The following EFR3A variants were observed in gnomAD, a reference collection of about 807,000 sequenced individuals.
EFR3A encodes EFR3 homolog A.
Under a neutral mutation model 104.4 loss-of-function variants are expected in EFR3A, and 76 were observed. The ratio of observed to expected loss-of-function variants is 0.73; its 90% CI spans 0.60 to 0.88. EFR3A has a LOEUF of 0.88. EFR3A is among the 40% of genes least tolerant of loss of function. The pLI is 0.00. For synonymous variants in EFR3A, 330 were observed against 330.0 expected (o/e 1.00, Z 0.00); for missense variants, 985 against 1,012.5 (o/e 0.97, Z 0.37).
At chr8:131,951,205 T>G (rs1818686813) in intron 5 of EFR3A, among the ~76,000 whole-genome samples, 1 of 152,096 alleles carries the variant, frequency 6.6e-6, no homozygotes, top group East Asian at 1.9e-4. Flanking sequence ...AAAGAAAGCT[T>G]AAAGGTGATT....
At chr8:131,975,015 A>G (rs1454935989) in intron 10 of EFR3A, among the ~76,000 whole-genome samples, 1 of 152,222 alleles carries the variant, frequency 6.6e-6, no homozygotes, top group Non-Finnish European at 1.5e-5. Flanking sequence ...TTTCAAAGAA[A>G]TAAGAAACTT....
In EFR3A at chr8:132,011,526, GTCTGGT is replaced by G; in HGVS notation, c.*635_*640del. Reference sequence around the variant, plus strand: ...CCCTAAAAACGCCATACTTTAAATTGTCTGGTTCTTGTAATATTGTGTTTCCTGCCA... The same window carrying G: ...CCCTAAAAACGCCATACTTTAAATTGTCTTGTAATATTGTGTTTCCTGCCA... On this transcript the variant is annotated 3_prime_UTR_variant, in exon 23 of 23. Coordinates refer to ENST00000254624, the MANE Select transcript of EFR3A (RefSeq NM_015137.6). 1.4e-6 allele frequency: 1 copy of G among 716,564 alleles called. No homozygotes were observed. Among genetic ancestry groups the G allele is most frequent in the Non-Finnish European group, 1.7e-6 (1 of 584,228 alleles). The allele number at this position is 716,564 out of a possible 1,614,324, so 44.4% of individuals were successfully genotyped here.
At chr8:131,979,308 G>T in intron 13 of EFR3A, 38 bp from the exon 14 acceptor site, 2 of 1,372,518 alleles carry the variant, frequency 1.5e-6, no homozygotes, top group Non-Finnish European at 2.0e-6. Flanking sequence ...GTAAATAAGT[G>T]TGCTATTCAT....
intron 8 of EFR3A, among the ~76,000 whole-genome samples, chr8:131,968,035 T>C (rs1353198316): frequency 6.6e-6 from 1 of 152,148 alleles, no homozygotes; most frequent in Non-Finnish European, 1.5e-5. Context: ...TTTAATTTAC[T>C]TTTTAAAAAC....
At position 132,011,032 on chromosome 8, in the gene EFR3A, G is replaced by A; in HGVS notation, c.*137G>A. The A allele has an allele frequency of 7.7e-7, 1 of 1,300,056 alleles. No individual in the cohort carries two copies. The allele number at this position is 1,300,056 out of a possible 1,614,324, so 80.5% of individuals were successfully genotyped here. On this transcript the variant is annotated 3_prime_UTR_variant, in exon 23 of 23. Coordinates refer to ENST00000254624, the MANE Select transcript of EFR3A (RefSeq NM_015137.6). Reference sequence around the variant, plus strand: ...GAACATATCTTTAACCAAATGTTTGGCATACCATATTAGAAGTTTTGGAGC... The same window carrying A: ...GAACATATCTTTAACCAAATGTTTGACATACCATATTAGAAGTTTTGGAGC...
At chr8:131,950,170 C>T in intron 5 of EFR3A, 80 bp downstream of exon 5, 2 of 1,376,796 alleles carry the variant, frequency 1.5e-6, no homozygotes, top group Admixed American at 2.3e-5. Context: ...TAATGATTAC[C>T]AGAGGAAACA....
chr8:131,995,020 A>G (rs980128970), intron 18 of EFR3A, among the ~76,000 whole-genome samples: 7 of 152,168 alleles, frequency 4.6e-5, no homozygotes, highest in Non-Finnish European at 1.0e-4. Context: ...TGTATCATAA[A>G]GGAAAAATTG....
chr8:131,970,329 T>C (rs1334544291), intron 9 of EFR3A, 147 bp from the exon 10 acceptor site: 3 of 777,650 alleles, frequency 3.9e-6, no homozygotes, highest in African/African-American at 1.8e-5. Context: ...TTTACTCTTT[T>C]TTAAAAAAAT....
intron 22 of EFR3A, among the ~76,000 whole-genome samples, chr8:132,006,045 TA>T (rs1365935701): frequency 6.6e-6 from 1 of 152,180 alleles, no homozygotes; most frequent in African/African-American, 2.4e-5. Context: ...GAAAACATTT[TA>T]AACTGAAAAT....
chr8:131,985,745 T>C (rs1820840083), intron 16 of EFR3A, among the ~76,000 whole-genome samples: 1 of 152,190 alleles, frequency 6.6e-6, no homozygotes. Context: ...AAGTAAATAC[T>C]ACAAAAGCAG....
In EFR3A at chr8:131,944,931, A is replaced by G. The variant is rs530931394; in HGVS notation, c.215+59A>G. The G allele has an allele frequency of 1.2e-4, 191 of 1,561,826 alleles. No homozygotes were observed. In the South Asian group the frequency reaches 1.5e-3, roughly 12 times the overall value. ...TTGGAAAATTCTTTCTAGACTTTTA[A>G]ATCATTCTATAGATTATTTTGCCAT... On this transcript the variant is annotated intron_variant, in intron 3 of 22. Coordinates refer to ENST00000254624, the MANE Select transcript of EFR3A (RefSeq NM_015137.6).
chr8:131,952,176 G>A (rs113129162), intron 5 of EFR3A, among the ~76,000 whole-genome samples: 29 of 152,012 alleles, frequency 1.9e-4, no homozygotes, highest in African/African-American at 7.0e-4. Context: ...CATCATCCTC[G>A]TCGTGGTTAG....
At chr8:131,908,396 T>TA (rs1425139337) in intron 1 of EFR3A, among the ~76,000 whole-genome samples, 5 of 152,158 alleles carry the variant, frequency 3.3e-5, no homozygotes, top group Admixed American at 3.3e-4. Flanking sequence ...AATCAACAGT[T>TA]ACGGTGGCTT....
At chr8:131,944,652 A>C (rs1413940048) in intron 2 of EFR3A, 93 bp from the exon 3 acceptor site, 1 of 1,274,810 alleles carries the variant, frequency 7.8e-7, no homozygotes, top group African/African-American at 1.5e-5. Context: ...TTTAATCCCC[A>C]ATCCAGAAAG....
intron 1 of EFR3A, chr8:131,924,207 C>A (rs997413101): frequency 3.0e-6 from 1 of 334,572 alleles, no homozygotes; most frequent in Non-Finnish European, 6.2e-6. Context: ...TTTCTGCATA[C>A]CCCATTCAGC....
chr8:131,953,672 C>T (rs1056554532), intron 5 of EFR3A, 146 bp from the exon 6 acceptor site: 26 of 807,966 alleles, frequency 3.2e-5, no homozygotes, highest in Middle Eastern at 4.2e-4. Context: ...TTGAGATTTA[C>T]TTTCTTAGAC....
intron 8 of EFR3A, among the ~76,000 whole-genome samples, chr8:131,962,068 A>G (rs1200234239): frequency 6.6e-6 from 1 of 152,234 alleles, no homozygotes; most frequent in Non-Finnish European, 1.5e-5. Flanking sequence ...AGCACTAAAC[A>G]TGGAAAGGAA....
intron 22 of EFR3A, among the ~76,000 whole-genome samples, chr8:132,007,167 A>G (rs1822094345): frequency 6.6e-6 from 1 of 151,928 alleles, no homozygotes; most frequent in Admixed American, 6.6e-5. Context: ...GGAAAAATAT[A>G]AAGATGAGAA....
intron 1 of EFR3A, among the ~76,000 whole-genome samples, chr8:131,937,387 T>C (rs1038839614): frequency 5.3e-5 from 8 of 152,150 alleles, no homozygotes; most frequent in Admixed American, 3.9e-4. Context: ...ATTGAATAGA[T>C]TACTTCTGAG....
Sources: gnomAD v4.1 joint callset for allele counts (sites outside exome capture counted in the v4.1 genomes callset) on GRCh38, gnomAD v4.1.1 for gene constraint, MANE v1.5 for transcripts, NCBI Gene and HGNC (gene_info 2026-07-23, HGNC 2026-07-21) for gene names.